ANXA4: variants seen among roughly 807,000 people sequenced by gnomAD.
The protein encoded by ANXA4 is 35-beta calcimedin.
ANXA4 carries 39 observed loss-of-function variants against 49.8 expected under a neutral mutation model. The observed-to-expected ratio is 0.78, with a 90% CI of 0.61 to 1.02. The LOEUF is 1.02. Among genes scored for constraint, ANXA4 ranks in the 50% least tolerant of loss-of-function variants. The pLI is 0.00. For missense variants in ANXA4, 360 were observed against 410.1 expected (o/e 0.88, Z 1.05); for synonymous variants, 134 against 152.5 (o/e 0.88, Z 0.89).
At chr2:69,740,998 T>G (rs995534063), upstream of ANXA4, among the ~76,000 whole-genome samples, 3 of 152,130 alleles carry the variant, frequency 2.0e-5, no homozygotes, top group African/African-American at 7.2e-5. Context: ...AGCCTTAATT[T>G]TTTAAGTTAT....
chr2:69,766,263 G>A (rs920638929), intron 1 of ANXA4, among the ~76,000 whole-genome samples: 4 of 152,206 alleles, frequency 2.6e-5, no homozygotes, highest in Non-Finnish European at 5.9e-5. Context: ...CTAGAATACT[G>A]TAGATGTGAT....
At chr2:69,699,920 C>T (rs528974188) in intron 2 of ANXA4, among the ~76,000 whole-genome samples, 3 of 152,236 alleles carry the variant, frequency 2.0e-5, no homozygotes, top group South Asian at 2.1e-4. Flanking sequence ...GGAATTTAGT[C>T]GCCCCAGCAG....
At chr2:69,736,967 AATTTT>A (rs139026162) in intron 3 of ANXA4, among the ~76,000 whole-genome samples, 6,833 of 152,004 alleles carry the variant, frequency 0.045, 500 homozygotes, top group African/African-American at 0.15. Flanking sequence ...ACGCTTGGCT[AATTTT>A]TGTATTTTTT....
chr2:69,786,599 T>C (rs553751469), intron 2 of ANXA4, among the ~76,000 whole-genome samples: 1 of 152,362 alleles, frequency 6.6e-6, no homozygotes, highest in Admixed American at 6.5e-5. Flanking sequence ...TTTTTATTTT[T>C]AATTCATTTA....
At chr2:69,682,769 T>C (rs1307440877) in intron 2 of ANXA4, among the ~76,000 whole-genome samples, 1 of 152,182 alleles carries the variant, frequency 6.6e-6, no homozygotes, top group Admixed American at 6.6e-5. Context: ...TAAGGAGAAA[T>C]ACAGTGCAGC....
intron 8 of ANXA4, chr2:69,814,793 T>TGTGTGTGTGTGA (rs1431461618): frequency 2.3e-5 from 1 of 44,004 alleles, no homozygotes; most frequent in Non-Finnish European, 4.9e-5. Flanking sequence ...TGTGTGTGTG[T>TGTGTGTGTGTGA]GAGAGAAAGA....
At chr2:69,724,186 C>T (rs1669896771) in intron 3 of ANXA4, among the ~76,000 whole-genome samples, 1 of 152,182 alleles carries the variant, frequency 6.6e-6, no homozygotes, top group South Asian at 2.1e-4. Flanking sequence ...ATCCAAATAC[C>T]TTAAGGATAC....
intron 8 of ANXA4, 47 bp from the exon 9 acceptor site, chr2:69,816,054 G>C: frequency 6.8e-7 from 1 of 1,467,796 alleles, no homozygotes; most frequent in Non-Finnish European, 9.5e-7. Flanking sequence ...CCTGTGTCCT[G>C]GCACATCGTT....
chr2:69,793,893 A>G lies in ANXA4; in HGVS notation c.97+5752A>G, dbSNP rs146589502. Among the ~76,000 whole-genome samples the G allele has an allele frequency of 4.8e-3, 725 of 152,094 alleles. 6 individuals are homozygous for G. The highest frequency in any genetic ancestry group is 0.017 in the African/African-American group (700 of 41,488). On this transcript the variant is annotated intron_variant, in intron 3 of 12. Coordinates refer to ENST00000394295, the MANE Select transcript of ANXA4 (RefSeq NM_001153.5). ...AAAGTTTCCAGATTTATGAAGATTTATTTAAGAAGATTTATGAAGAGAAAA... is the reference window on the plus strand; with the variant it reads ...AAAGTTTCCAGATTTATGAAGATTTGTTTAAGAAGATTTATGAAGAGAAAA...
chr2:69,799,429 G>A (rs1673092907), intron 3 of ANXA4, among the ~76,000 whole-genome samples: 3 of 152,184 alleles, frequency 2.0e-5, no homozygotes, highest in Admixed American at 2.0e-4. Flanking sequence ...TGTCTTATCT[G>A]TATTTTACAG....
intron 1 of ANXA4, among the ~76,000 whole-genome samples, chr2:69,652,663 A>G (rs559511823): frequency 4.4e-4 from 67 of 152,220 alleles, no homozygotes; most frequent in Non-Finnish European, 6.8e-4. Flanking sequence ...TTTCGAGACC[A>G]GTCTGGCCAA....
upstream of ANXA4, chr2:69,643,890 A>G: frequency 8.5e-7 from 1 of 1,171,512 alleles, no homozygotes; most frequent in Non-Finnish European, 1.1e-6. Flanking sequence ...GATGGGAAGG[A>G]GTCGACCGCG....
At chr2:69,790,692 G>A (rs1672654095) in intron 3 of ANXA4, among the ~76,000 whole-genome samples, 1 of 152,134 alleles carries the variant, frequency 6.6e-6, no homozygotes. Flanking sequence ...GGCAGGATTT[G>A]TAGGATAATT....
At chr2:69,810,467 G>A (rs1353622439) in intron 6 of ANXA4, 127 bp from the exon 7 acceptor site, 4 of 739,070 alleles carry the variant, frequency 5.4e-6, no homozygotes, top group African/African-American at 5.1e-5. Flanking sequence ...TGTGTGGGGT[G>A]AAAAAACCTC....
At chr2:69,801,218 G>T (rs1489566254) in intron 3 of ANXA4, among the ~76,000 whole-genome samples, 1 of 152,114 alleles carries the variant, frequency 6.6e-6, no homozygotes, top group Non-Finnish European at 1.5e-5. Flanking sequence ...CTGGCCCCCA[G>T]GTAGCCCTTT....
At chr2:69,722,544 T>TATTATA (rs1669842234) in intron 3 of ANXA4, among the ~76,000 whole-genome samples, 1 of 151,590 alleles carries the variant, frequency 6.6e-6, no homozygotes, top group Non-Finnish European at 1.5e-5. Flanking sequence ...ATGATTCTAC[T>TATTATA]TGTATAAAAT....
In ANXA4 at chr2:69,796,844, C is replaced by G. The variant is rs1222399692; in HGVS notation, c.98-7689C>G. ...TTGCTCTTCTAACTTAGGGGAATTACTCTCCACAGACCCGCCTGATATGAT... is the reference window on the plus strand; with the variant it reads ...TTGCTCTTCTAACTTAGGGGAATTAGTCTCCACAGACCCGCCTGATATGAT... On this transcript the variant is annotated intron_variant, in intron 3 of 12. Coordinates refer to ENST00000394295, the MANE Select transcript of ANXA4 (RefSeq NM_001153.5). 2.0e-5 allele frequency among the ~76,000 whole-genome samples: 3 copies of G among 152,252 alleles called. No individual in the cohort carries two copies. The East Asian group carries it at 5.8e-4, about 29-fold the overall frequency.
At chr2:69,710,112 C>A (rs375489504) in intron 2 of ANXA4, among the ~76,000 whole-genome samples, 1 of 151,656 alleles carries the variant, frequency 6.6e-6, no homozygotes, top group African/African-American at 2.4e-5. Context: ...CTCAGCCTCC[C>A]GAGTAGCTGG....
chr2:69,800,916 G>A (rs1402735623), intron 3 of ANXA4, among the ~76,000 whole-genome samples: 2 of 152,172 alleles, frequency 1.3e-5, no homozygotes, highest in Non-Finnish European at 2.9e-5. Flanking sequence ...GCTACAGAGA[G>A]GGATTCCAGA....
Sources: gnomAD v4.1 joint callset for allele counts (sites outside exome capture counted in the v4.1 genomes callset) on GRCh38, gnomAD v4.1.1 for gene constraint, MANE v1.5 for transcripts, NCBI Gene and HGNC (gene_info 2026-07-23, HGNC 2026-07-21) for gene names.